Variants in MAP7D1 observed in about 807,000 individuals in gnomAD.
MAP7D1 encodes MAP7 domain-containing protein 1.
Under a neutral mutation model 97.5 loss-of-function variants are expected in MAP7D1, and 30 were observed. That is an observed-to-expected ratio of 0.31 (90% CI 0.23 to 0.42). The LOEUF (loss-of-function observed/expected upper bound fraction) is 0.42, where lower values mean the gene tolerates loss of function less well. Ranked by LOEUF, MAP7D1 falls within the 10% of genes least tolerant of loss-of-function variation. The probability of loss-of-function intolerance (pLI) is 1.00; values close to 1 mark genes in which losing one functional copy is unlikely to be tolerated. For synonymous variants in MAP7D1, 536 were observed against 477.1 expected, an observed-to-expected ratio of 1.12 and a Z score of -1.61; for missense variants, 1,184 against 1,179.5, an observed-to-expected ratio of 1.00 and a Z score of -0.06.
At chr1:36,173,855 G>A (rs1402754898) in intron 5 of MAP7D1, among the ~76,000 whole-genome samples, 6 of 152,086 alleles carry the variant, frequency 3.9e-5, no homozygotes, top group South Asian at 4.2e-4. Context: ...AGTTTTCTCC[G>A]CGTAGGGCCA....
Position 36,156,187 on chromosome 1 carries a change from C to T in MAP7D1, c.-231C>T. The stretch of plus-strand genomic sequence containing the variant: ...TGGGCCGAGGCCGGGACTGGGCCGG[C>T]GCCGGGCGGGGAACGGGTTCGCGAC... On this transcript the variant is annotated 5_prime_UTR_variant, in exon 1 of 17. Coordinates refer to ENST00000474796, the MANE Select transcript of MAP7D1 (RefSeq NM_001388490.1). The T allele has an allele frequency of 2.4e-6, 1 of 422,206 alleles. No homozygotes were observed. Among genetic ancestry groups the T allele is most frequent in the Non-Finnish European group, 4.1e-6 (1 of 241,344 alleles). The allele number at this position is 422,206 out of a possible 1,614,324, so 26.2% of individuals were successfully genotyped here. A position where few individuals can be genotyped will look rare whatever the true frequency, so the allele number is the denominator to read the frequency against.
intron 1 of MAP7D1, among the ~76,000 whole-genome samples, chr1:36,166,977 G>A (rs895746162): frequency 2.0e-5 from 3 of 152,180 alleles, no homozygotes; most frequent in Admixed American, 2.0e-4. Context: ...CTCAGTTTGG[G>A]ATGTGTTAAA....
chr1:36,180,122 A>C lies in MAP7D1; in HGVS notation c.2512+55A>C, dbSNP rs1282255689. Reference sequence around the variant, plus strand: ...CATTCCTCCCAGCAGCCTTCCCTGTACTCCTCAGCCCTGCCTTCTCTTCTG... The same window carrying C: ...CATTCCTCCCAGCAGCCTTCCCTGTCCTCCTCAGCCCTGCCTTCTCTTCTG... On this transcript the variant is annotated intron_variant, in intron 16 of 16. Coordinates refer to ENST00000474796, the MANE Select transcript of MAP7D1 (RefSeq NM_001388490.1). The C allele has an allele frequency of 2.5e-6, 4 of 1,610,272 alleles. No individual in the cohort carries two copies. The African/African-American group carries it at 4.0e-5, about 16-fold the overall frequency.
intron 5 of MAP7D1, among the ~76,000 whole-genome samples, 171 bp from the exon 6 acceptor site, chr1:36,174,726 AC>A (rs907807838): frequency 7.5e-5 from 7 of 93,438 alleles, no homozygotes; most frequent in Non-Finnish European, 1.5e-4. Context: ...CTGGTCACCT[AC>A]CCCCCCACCC....
At chr1:36,171,987 G>A in intron 3 of MAP7D1, 1 of 206,568 alleles carries the variant, frequency 4.8e-6, no homozygotes, top group South Asian at 7.3e-5. Flanking sequence ...TTAATTATGT[G>A]CACTGTGCTA....
In MAP7D1 at chr1:36,159,014, C is replaced by T. The variant is rs896875462; in HGVS notation, c.46+2551C>T. Among the ~76,000 whole-genome samples, 1 of 151,842 alleles carries T rather than the reference C, an allele frequency of 6.6e-6. No homozygotes were observed. The highest frequency in any genetic ancestry group is 1.5e-5 in the Non-Finnish European group (1 of 68,000). The stretch of plus-strand genomic sequence containing the variant: ...ACTAGGCCCTGGCACATAGCCAGTG[C>T]CCAATAAGTGCTAGCCATTTGTTAT... On this transcript the variant is annotated intron_variant, in intron 1 of 16. Transcript: ENST00000474796. The surrounding 1 kb of genome is among the most constrained non-coding windows in gnomAD (Gnocchi z 5.4).
chr1:36,171,539 A>C lies in MAP7D1; in HGVS notation c.418A>C (p.Lys140Gln). Residue 140 changes from lysine to glutamine, a missense_variant, in exon 3 of 17, where the codon AAG (lysine) becomes CAG (glutamine). Coordinates refer to ENST00000474796, the MANE Select transcript of MAP7D1 (RefSeq NM_001388490.1). ...QEVKKAGERH[K>Q]LAKERREERA... Reference sequence around the variant, plus strand: ...GGTGAAGAAGGCAGGAGAGAGACACAAGCTGGCAAAGGAGCGGCGAGAAGA... The same window carrying C: ...GGTGAAGAAGGCAGGAGAGAGACACCAGCTGGCAAAGGAGCGGCGAGAAGA... 1 of 1,614,120 alleles carries C rather than the reference A, an allele frequency of 6.2e-7. No homozygotes were observed. Among genetic ancestry groups the C allele is most frequent in the Non-Finnish European group, 8.5e-7 (1 of 1,179,986 alleles).
chr1:36,166,388 CCTT>C (rs1176655215), intron 1 of MAP7D1, among the ~76,000 whole-genome samples: 1 of 148,324 alleles, frequency 6.7e-6, no homozygotes, highest in African/African-American at 2.5e-5. Context: ...CGTGATCTGA[CCTT>C]TTTTTTTTTT....
rs375995035 is a variant in MAP7D1 at position 36,176,849 on chromosome 1, G to C, written c.1379+7G>C. 707 of 1,583,376 alleles carry C rather than the reference G, an allele frequency of 4.5e-4. 3 individuals are homozygous for C. The African/African-American group carries it at 8.1e-3, about 18-fold the overall frequency. ...GCACCGCCTCTGAGCTCAGGTGGGC[G>C]CGGGCGGTGCGAGGGACCCTGCCCC... On this transcript the variant is annotated splice_region_variant and intron_variant, in intron 8 of 16. Transcript: ENST00000474796. The surrounding 1 kb of genome is among the most constrained non-coding windows in gnomAD (Gnocchi z 6.1).
chr1:36,167,508 C>T (rs994142277), intron 1 of MAP7D1, among the ~76,000 whole-genome samples: 1 of 152,104 alleles, frequency 6.6e-6, no homozygotes, highest in Non-Finnish European at 1.5e-5. Flanking sequence ...GATGAGGAGA[C>T]GTGGATATAT....
intron 4 of MAP7D1, 113 bp from the exon 5 acceptor site, chr1:36,173,251 C>T: frequency 1.3e-6 from 1 of 762,200 alleles, no homozygotes; most frequent in Non-Finnish European, 2.2e-6. Context: ...CAGGAAAAGA[C>T]TCCAAGGGAA....
At chr1:36,156,658 C>A (rs1010244278) in intron 1 of MAP7D1, among the ~76,000 whole-genome samples, 195 bp downstream of exon 1, 2 of 152,138 alleles carry the variant, frequency 1.3e-5, no homozygotes, top group African/African-American at 4.8e-5. Context: ...CCCCCTCCCC[C>A]ACCCCGGGTG....
Position 36,179,010 on chromosome 1 carries a change from G to A in MAP7D1, c.2115G>A (p.Arg705=). Residue 705 remains arginine (R), a synonymous_variant, in exon 12 of 17, where the codon CGG becomes CGA. Transcript: ENST00000474796. ...ACTTCCAGCAGCAGGAGCAAGAGCGGCAAGAGCGCAGAAAGGTGTGCGGAC... is the reference window on the plus strand; with the variant it reads ...ACTTCCAGCAGCAGGAGCAAGAGCGACAAGAGCGCAGAAAGGTGTGCGGAC... The part of the protein sequence containing the change: ...EKHFQQQEQE[R]QERRKRLEEI... 7 of 1,531,090 alleles carry A rather than the reference G, an allele frequency of 4.6e-6. No homozygotes were observed. Among genetic ancestry groups the A allele is most frequent in the Non-Finnish European group, 6.2e-6 (7 of 1,137,750 alleles). The allele number at this position is 1,531,090 out of a possible 1,614,324, so 94.8% of individuals were successfully genotyped here. A position where few individuals can be genotyped will look rare whatever the true frequency, so the allele number is the denominator to read the frequency against.
Position 36,175,026 on chromosome 1 carries a change from C to T in MAP7D1, c.850+18C>T. The T allele has an allele frequency of 6.5e-7, 1 of 1,546,278 alleles. No individual in the cohort carries two copies. On this transcript the variant is annotated intron_variant, in intron 6 of 16. Transcript: ENST00000474796. ...CAGTAGAAGTAAGAGAAGGCCCAGC[C>T]CTTCCCCCTCCAGAGCCCCTTGTAG... is the stretch of plus-strand genomic sequence containing the variant.
intron 1 of MAP7D1, among the ~76,000 whole-genome samples, chr1:36,169,482 G>T (rs1171704625): frequency 6.6e-6 from 1 of 152,094 alleles, no homozygotes; most frequent in African/African-American, 2.4e-5. Flanking sequence ...GGTGAACCCA[G>T]GAGGCGGAGC....
chr1:36,166,319 CTT>C (rs1186921902), intron 1 of MAP7D1, among the ~76,000 whole-genome samples: 1 of 151,588 alleles, frequency 6.6e-6, no homozygotes, highest in Non-Finnish European at 1.5e-5. Flanking sequence ...ATCATGATGA[CTT>C]TGGCTTTTTC....
chr1:36,164,037 T>C (rs887206823), intron 1 of MAP7D1, among the ~76,000 whole-genome samples: 1 of 152,038 alleles, frequency 6.6e-6, no homozygotes, highest in African/African-American at 2.4e-5. Context: ...TTGCCCAGGC[T>C]GCTCCCGAAC....
intron 3 of MAP7D1, chr1:36,171,934 CAAAAAAA>C (rs10631607): frequency 4.8e-5 from 3 of 62,900 alleles, no homozygotes; most frequent in Non-Finnish European, 8.4e-5. Context: ...AACTCCGTCT[CAAAAAAA>C]AAAAAAAAAA....
At chr1:36,161,908 TGTGA>T (rs1237953613) in intron 1 of MAP7D1, among the ~76,000 whole-genome samples, 78 of 149,928 alleles carry the variant, frequency 5.2e-4, no homozygotes, top group Middle Eastern at 3.4e-3. Flanking sequence ...TGTGTGTGTG[TGTGA>T]GAGAGAGAGG....
Sources: allele counts gnomAD v4.1 joint callset (sites outside exome capture counted in the v4.1 genomes callset), GRCh38; gene constraint gnomAD v4.1.1; non-coding constraint Gnocchi (gnomAD v3.1); transcripts MANE v1.5; gene names NCBI Gene and HGNC (gene_info 2026-07-23, HGNC 2026-07-21).